PARD3: variants seen among roughly 807,000 people sequenced by gnomAD.
PARD3 encodes the protein partitioning defective 3 homolog.
PARD3 carries 75 observed loss-of-function variants against 155.4 expected under a neutral mutation model. The ratio of observed to expected loss-of-function variants is 0.48; its 90% CI spans 0.40 to 0.58. The LOEUF is 0.58. Ranked by LOEUF, PARD3 falls within the 20% of genes least tolerant of loss-of-function variation. The pLI, the probability that PARD3 is intolerant of heterozygous loss-of-function variation, is 0.00. For synonymous variants in PARD3, 576 were observed against 610.5 expected, an observed-to-expected ratio of 0.94 and a Z score of 0.83; for missense variants, 1,642 against 1,721.7, an observed-to-expected ratio of 0.95 and a Z score of 0.82.
At chr10:34,756,613 T>C (rs1836779323) in intron 1 of PARD3, among the ~76,000 whole-genome samples, 2 of 151,632 alleles carry the variant, frequency 1.3e-5, no homozygotes, top group Admixed American at 6.6e-5. Flanking sequence ...ACCACCACAC[T>C]TGACTAGTTT....
intron 22 of PARD3, among the ~76,000 whole-genome samples, chr10:34,135,386 C>T (rs1195424130): frequency 6.6e-6 from 1 of 152,044 alleles, no homozygotes; most frequent in African/African-American, 2.4e-5. Flanking sequence ...TTGTTTTTTC[C>T]TGACAGGTTT....
intron 22 of PARD3, among the ~76,000 whole-genome samples, chr10:34,189,446 C>T (rs1459661173): frequency 6.6e-6 from 1 of 152,202 alleles, no homozygotes; most frequent in African/African-American, 2.4e-5. Flanking sequence ...CAGCTGGCAA[C>T]TTGGCACAGA....
Position 34,384,181 on chromosome 10 carries a change from C to T in PARD3, c.964G>A (p.Asp322Asn), listed in dbSNP as rs757642558. The change falls in exon 8 of 25, where the codon GAT (aspartate) becomes AAT (asparagine). Residue 322 changes from aspartate (D) to asparagine (N), a missense_variant. By Grantham distance (23) the Asp-to-Asn change is conservative (BLOSUM62 1). This residue lies in a region of PARD3 where 1,529 missense variants were observed against 1,587.3 expected (regional missense o/e 0.96). Coordinates refer to ENST00000374788, the MANE Select transcript of PARD3 (RefSeq NM_001184785.2). ...CCATCATTAATCCTGACAATGCAATCATTCTCACGAAAAAGATTTTCATGT... is the reference window on the plus strand; with the variant it reads ...CCATCATTAATCCTGACAATGCAATTATTCTCACGAAAAAGATTTTCATGT... Reference protein sequence around the residue: ...AEHENLFRENDCIVRINDGDL... With the variant: ...AEHENLFRENNCIVRINDGDL... The T allele has an allele frequency of 6.2e-7, 1 of 1,613,744 alleles. No individual in the cohort carries two copies. Among genetic ancestry groups the T allele is most frequent in the Admixed American group, 1.7e-5 (1 of 60,026 alleles).
intron 22 of PARD3, among the ~76,000 whole-genome samples, chr10:34,178,936 C>A (rs1032645009): frequency 2.6e-5 from 4 of 152,138 alleles, no homozygotes; most frequent in East Asian, 1.9e-4. Context: ...GAATTAGTGT[C>A]AGGACTTGAT....
chr10:34,785,830 C>A (rs1020328223), intron 1 of PARD3, among the ~76,000 whole-genome samples: 2 of 152,070 alleles, frequency 1.3e-5, no homozygotes, highest in African/African-American at 2.4e-5. Flanking sequence ...ACGTAACATT[C>A]CAGAGAAGAA....
chr10:34,450,468 A>G lies in PARD3; in HGVS notation c.583-20T>C. 1 of 1,597,650 alleles carries G rather than the reference A, an allele frequency of 6.3e-7. No individual in the cohort carries two copies. Among genetic ancestry groups the G allele is most frequent in the Non-Finnish European group, 8.5e-7 (1 of 1,175,454 alleles). On this transcript the variant is annotated intron_variant, in intron 4 of 24. Transcript: ENST00000374788. ...ATCTTTCTATTCAAAAAGAAACAAA[A>G]AGGTGTCTTGTAAAAAACCAGACCT...
At chr10:34,585,543 C>CTTCCTT (rs1450890923) in intron 2 of PARD3, among the ~76,000 whole-genome samples, 1 of 126,746 alleles carries the variant, frequency 7.9e-6, no homozygotes, top group Non-Finnish European at 1.7e-5. Flanking sequence ...TTTTCTTTTT[C>CTTCCTT]TTTCTTTTTT....
intron 15 of PARD3, 76 bp from the exon 16 acceptor site, chr10:34,341,892 G>T: frequency 3.4e-6 from 3 of 876,388 alleles, no homozygotes; most frequent in Non-Finnish European, 5.3e-6. Flanking sequence ...TTAATACTTT[G>T]CTATATTAGT....
At chr10:34,128,026 ATAT>A (rs1359148519) in intron 23 of PARD3, among the ~76,000 whole-genome samples, 1 of 152,192 alleles carries the variant, frequency 6.6e-6, no homozygotes, top group Non-Finnish European at 1.5e-5. Flanking sequence ...ATTAATAGTA[ATAT>A]TGTTGCAGAA....
At chr10:34,682,323 G>A (rs2093858036) in intron 2 of PARD3, among the ~76,000 whole-genome samples, 1 of 146,646 alleles carries the variant, frequency 6.8e-6, no homozygotes, top group Admixed American at 6.6e-5. Context: ...GGAGGCTGGG[G>A]CAGAAGAACT....
At chr10:34,725,090 G>GA (rs1255450809) in intron 1 of PARD3, among the ~76,000 whole-genome samples, 1 of 150,668 alleles carries the variant, frequency 6.6e-6, no homozygotes, top group Non-Finnish European at 1.5e-5. Flanking sequence ...TAAAAGGATT[G>GA]AATGAGTCAA....
At position 34,423,957 on chromosome 10, in the gene PARD3, A is replaced by G. The variant is rs574140406; in HGVS notation, c.715-22040T>C. On this transcript the variant is annotated intron_variant, in intron 5 of 24. Coordinates refer to ENST00000374788, the MANE Select transcript of PARD3 (RefSeq NM_001184785.2). ...TGAAACTCTGGTCCAATTTTTATCT[A>G]CTTATTCATAGGAAGTCCCCAAGCA... 7.2e-5 allele frequency among the ~76,000 whole-genome samples: 11 copies of G among 152,306 alleles called. No individual in the cohort carries two copies. The East Asian group carries it at 1.3e-3, about 19-fold the overall frequency.
At chr10:34,424,367 G>C (rs1244794660) in intron 5 of PARD3, among the ~76,000 whole-genome samples, 1 of 152,122 alleles carries the variant, frequency 6.6e-6, no homozygotes, top group Non-Finnish European at 1.5e-5. Flanking sequence ...TAGGCAACAA[G>C]ATGTATTCGA....
chr10:34,247,133 G>A (rs1954006623), intron 22 of PARD3, among the ~76,000 whole-genome samples: 1 of 152,092 alleles, frequency 6.6e-6, no homozygotes, highest in Admixed American at 6.6e-5. Flanking sequence ...TATAATGTCT[G>A]ACATCTGATA....
intron 20 of PARD3, among the ~76,000 whole-genome samples, chr10:34,284,512 G>A (rs1006356507): frequency 6.6e-6 from 1 of 152,106 alleles, no homozygotes; most frequent in African/African-American, 2.4e-5. Flanking sequence ...CAAACAACAA[G>A]AGTTGTGGTT....
intron 2 of PARD3, among the ~76,000 whole-genome samples, chr10:34,538,182 T>C (rs2083346688): frequency 6.6e-6 from 1 of 152,212 alleles, no homozygotes; most frequent in Non-Finnish European, 1.5e-5. Flanking sequence ...ATCTTTATAG[T>C]TTCCCACTCA....
intron 3 of PARD3, among the ~76,000 whole-genome samples, chr10:34,487,949 T>C (rs2079583018): frequency 1.3e-5 from 2 of 152,230 alleles, no homozygotes; most frequent in East Asian, 1.9e-4. Context: ...TTGTCTTCTA[T>C]TATTTTATTA....
chr10:34,128,541 T>C (rs957534528), intron 23 of PARD3, among the ~76,000 whole-genome samples: 15 of 152,150 alleles, frequency 9.9e-5, no homozygotes, highest in African/African-American at 3.6e-4. Flanking sequence ...GTAGTTAAGT[T>C]TTCGGGAAGT....
intron 7 of PARD3, 86 bp from the exon 8 acceptor site, chr10:34,384,340 T>A (rs1488203201): frequency 3.4e-5 from 42 of 1,222,296 alleles, no homozygotes; most frequent in Admixed American, 8.8e-5. Flanking sequence ...TTATTATATT[T>A]ACAAAGATGT....
Sources: allele counts gnomAD v4.1 joint callset (sites outside exome capture counted in the v4.1 genomes callset), GRCh38; gene constraint gnomAD v4.1.1; regional missense constraint gnomAD v4.1.1; transcripts MANE v1.5; gene names NCBI Gene and HGNC (gene_info 2026-07-23, HGNC 2026-07-21).